SFI1: variants seen among roughly 807,000 people sequenced by gnomAD.
SFI1 encodes protein SFI1 homolog.
Under a neutral mutation model 207.5 loss-of-function variants are expected in SFI1, and 195 were observed. The observed-to-expected ratio is 0.94, with a 90% CI of 0.84 to 1.06. The LOEUF is 1.06. Among genes scored for constraint, SFI1 ranks in the 50% least tolerant of loss-of-function variants. The pLI is 0.00. For missense variants in SFI1, 1,634 were observed against 1,588.0 expected (o/e 1.03, Z -0.49); for synonymous variants, 630 against 598.9 (o/e 1.05, Z -0.76).
intron 2 of SFI1, among the ~76,000 whole-genome samples, chr22:31,513,465 G>C (rs2055932934): frequency 6.6e-6 from 1 of 152,054 alleles, no homozygotes; most frequent in Admixed American, 6.6e-5. Context: ...CATTTTTTGT[G>C]ATGAGAAGAT....
At chr22:31,575,118 GTGT>G (rs2063347409) in intron 9 of SFI1, 110 bp from the exon 10 acceptor site, 12 of 642,954 alleles carry the variant, frequency 1.9e-5, no homozygotes, top group Admixed American at 1.6e-4. Flanking sequence ...GTGTGTGTGT[GTGT>G]GGCCTTGAAC....
At chr22:31,560,545 G>A (rs1271388734) in intron 7 of SFI1, among the ~76,000 whole-genome samples, 1 of 151,416 alleles carries the variant, frequency 6.6e-6, no homozygotes, top group Non-Finnish European at 1.5e-5. Flanking sequence ...GGGATTACAG[G>A]CACACACCAC....
intron 15 of SFI1, among the ~76,000 whole-genome samples, chr22:31,598,580 C>T (rs1205145067): frequency 1.3e-5 from 2 of 150,168 alleles, no homozygotes; most frequent in Non-Finnish European, 3.0e-5. Flanking sequence ...CCACCACGCC[C>T]AGCTAATTTT....
intron 11 of SFI1, among the ~76,000 whole-genome samples, chr22:31,579,697 C>T (rs1267077208): frequency 6.6e-6 from 1 of 152,182 alleles, no homozygotes; most frequent in African/African-American, 2.4e-5. Context: ...AGCAGTCCTC[C>T]TGCCTCAGCA....
intron 15 of SFI1, among the ~76,000 whole-genome samples, chr22:31,596,882 C>T (rs974110630): frequency 4.6e-5 from 7 of 151,678 alleles, no homozygotes; most frequent in African/African-American, 9.7e-5. Flanking sequence ...ACACAGTACC[C>T]GTTTCTAAAT....
At chr22:31,512,750 A>G (rs1008245711) in intron 2 of SFI1, among the ~76,000 whole-genome samples, 10 of 151,522 alleles carry the variant, frequency 6.6e-5, no homozygotes, top group African/African-American at 2.2e-4. Flanking sequence ...TTAGTGGCGC[A>G]ATCTCGGCTC....
At chr22:31,573,564 A>G (rs1361089282) in intron 9 of SFI1, among the ~76,000 whole-genome samples, 1 of 150,964 alleles carries the variant, frequency 6.6e-6, no homozygotes, top group African/African-American at 2.4e-5. Context: ...CAGCCTCCCT[A>G]GTAGTTGGGA....
chr22:31,509,761 A>G (rs2055213543), intron 2 of SFI1, among the ~76,000 whole-genome samples: 1 of 152,060 alleles, frequency 6.6e-6, no homozygotes, highest in African/African-American at 2.4e-5. Context: ...CTATTTTTTG[A>G]GGATTTTTAT....
At chr22:31,617,937 A>C (rs949657063) in intron 31 of SFI1, among the ~76,000 whole-genome samples, 178 bp from the exon 32 acceptor site, 3 of 152,012 alleles carry the variant, frequency 2.0e-5, no homozygotes, top group Admixed American at 6.6e-5. Flanking sequence ...CTGGGAGAGG[A>C]AAAAGAACAA....
intron 4 of SFI1, among the ~76,000 whole-genome samples, chr22:31,545,582 T>G (rs2060000480): frequency 6.6e-6 from 1 of 150,470 alleles, no homozygotes; most frequent in Admixed American, 6.6e-5. Flanking sequence ...TTAATTTAAT[T>G]TAATTTTATT....
intron 2 of SFI1, among the ~76,000 whole-genome samples, chr22:31,515,045 AG>A (rs2056290911): frequency 6.6e-6 from 1 of 152,154 alleles, no homozygotes; most frequent in East Asian, 1.9e-4. Flanking sequence ...CTGGGATTAC[AG>A]GTGTGAGCCA....
intron 2 of SFI1, among the ~76,000 whole-genome samples, chr22:31,511,951 C>T (rs529744266): frequency 3.3e-5 from 5 of 152,166 alleles, no homozygotes; most frequent in African/African-American, 1.2e-4. Context: ...CGTGCCCCAG[C>T]CTTAGGTGTT....
chr22:31,610,943 C>T (rs2069996506), intron 22 of SFI1, among the ~76,000 whole-genome samples, 200 bp from the exon 23 acceptor site: 3 of 152,166 alleles, frequency 2.0e-5, no homozygotes, highest in Admixed American at 1.3e-4. Flanking sequence ...TTCCAGTCCC[C>T]GGGGGGTTCA....
chr22:31,603,534 A>G (rs867730984), intron 17 of SFI1, among the ~76,000 whole-genome samples: 4 of 152,198 alleles, frequency 2.6e-5, no homozygotes, highest in Non-Finnish European at 5.9e-5. Flanking sequence ...GTGAGCTTCA[A>G]TGGCACCTGA....
At chr22:31,502,579 G>A in intron 1 of SFI1, among the ~76,000 whole-genome samples, 1 of 151,940 alleles carries the variant, frequency 6.6e-6, no homozygotes, top group East Asian at 1.9e-4. Context: ...TCACCATGTT[G>A]TCCAGGCTGG....
At chr22:31,497,393 T>TA (rs1369509242) in intron 1 of SFI1, 2 of 152,354 alleles carry the variant, frequency 1.3e-5, no homozygotes, top group East Asian at 3.9e-4. Context: ...GGTGCACCGT[T>TA]ACAGTGATCT....
intron 11 of SFI1, 195 bp from the exon 12 acceptor site, chr22:31,580,077 G>A (rs2063929291): frequency 3.7e-6 from 2 of 545,804 alleles, no homozygotes; most frequent in South Asian, 2.2e-5. Context: ...AGTGCCTGCT[G>A]TGCAGGCTGG....
chr22:31,561,975 A>G (rs1172305485), intron 8 of SFI1, among the ~76,000 whole-genome samples: 1 of 152,226 alleles, frequency 6.6e-6, no homozygotes, highest in Non-Finnish European at 1.5e-5. Flanking sequence ...GAAGAGGAAA[A>G]AAAAAATTAG....
chr22:31,596,114 G>A (rs977651075), intron 15 of SFI1, among the ~76,000 whole-genome samples: 3 of 152,102 alleles, frequency 2.0e-5, no homozygotes, highest in Non-Finnish European at 2.9e-5. Flanking sequence ...TTAGCGGGGC[G>A]TGGTGGTGCA....
Sources: allele counts gnomAD v4.1 joint callset (sites outside exome capture counted in the v4.1 genomes callset), GRCh38; gene constraint gnomAD v4.1.1; transcripts MANE v1.5; gene names NCBI Gene and HGNC (gene_info 2026-07-23, HGNC 2026-07-21).